Variants in MYO3B observed in about 807,000 individuals in gnomAD.
MYO3B encodes the protein myosin-IIIb.
Under a neutral mutation model 174.6 loss-of-function variants are expected in MYO3B, and 156 were observed. The ratio of observed to expected loss-of-function variants is 0.89; its 90% CI spans 0.78 to 1.02. The LOEUF is 1.02. Among genes scored for constraint, MYO3B ranks in the 50% least tolerant of loss-of-function variants. MYO3B has a pLI of 0.00. For missense variants in MYO3B, 1,632 were observed against 1,639.4 expected, an observed-to-expected ratio of 1.00 and a Z score of 0.08; for synonymous variants, 563 against 569.1, an observed-to-expected ratio of 0.99 and a Z score of 0.15.
chr2:170,652,214 T>C (rs966900640), intron 34 of MYO3B, 60 bp downstream of exon 34: 1 of 1,508,464 alleles, frequency 6.6e-7, no homozygotes, highest in South Asian at 1.2e-5. Flanking sequence ...TTTGTGATAT[T>C]ACAGAAAATG....
chr2:170,483,573 A>C (rs1306484224), intron 25 of MYO3B, among the ~76,000 whole-genome samples: 2 of 125,620 alleles, frequency 1.6e-5, no homozygotes, highest in Non-Finnish European at 3.0e-5. Context: ...TTTTTAGTAG[A>C]GACGGGGTTT....
chr2:170,238,494 T>C (rs969851923), intron 7 of MYO3B, among the ~76,000 whole-genome samples: 7 of 152,248 alleles, frequency 4.6e-5, no homozygotes, highest in Non-Finnish European at 1.0e-4. Flanking sequence ...TTCAGTGCTT[T>C]GGAATTCTTG....
At chr2:170,225,826 A>G (rs775979774) in intron 6 of MYO3B, among the ~76,000 whole-genome samples, 3 of 152,236 alleles carry the variant, frequency 2.0e-5, no homozygotes, top group Non-Finnish European at 2.9e-5. Flanking sequence ...CTGAAAAGAT[A>G]AAATGAAATA....
At chr2:170,615,651 G>A (rs886423467) in intron 32 of MYO3B, among the ~76,000 whole-genome samples, 3 of 152,226 alleles carry the variant, frequency 2.0e-5, no homozygotes, top group African/African-American at 7.2e-5. Flanking sequence ...GAATCTGGAC[G>A]CAGATTAGTA....
At chr2:170,305,232 C>T (rs534012538) in intron 7 of MYO3B, among the ~76,000 whole-genome samples, 24 of 152,164 alleles carry the variant, frequency 1.6e-4, no homozygotes, top group Middle Eastern at 3.4e-3. Flanking sequence ...TTCATCCTTT[C>T]CTAGTGATTT....
intron 24 of MYO3B, among the ~76,000 whole-genome samples, chr2:170,465,810 G>C (rs546225948): frequency 1.3e-5 from 2 of 152,094 alleles, no homozygotes; most frequent in African/African-American, 4.8e-5. Flanking sequence ...TGAAATAATG[G>C]AACTGAGTTC....
At chr2:170,623,401 C>T (rs1219111319) in intron 32 of MYO3B, among the ~76,000 whole-genome samples, 1 of 152,144 alleles carries the variant, frequency 6.6e-6, no homozygotes, top group Non-Finnish European at 1.5e-5. Flanking sequence ...ATATACTTTG[C>T]ACATTTTTTG....
At chr2:170,273,682 T>C (rs2093441482) in intron 7 of MYO3B, among the ~76,000 whole-genome samples, 1 of 152,172 alleles carries the variant, frequency 6.6e-6, no homozygotes, top group Admixed American at 6.5e-5. Flanking sequence ...GTGACCATCC[T>C]TCAAAACTCA....
At chr2:170,305,691 C>T (rs547496854) in intron 7 of MYO3B, among the ~76,000 whole-genome samples, 29 of 152,250 alleles carry the variant, frequency 1.9e-4, no homozygotes, top group Admixed American at 1.6e-3. Flanking sequence ...GCATGATAGA[C>T]TACCCCAAAC....
At chr2:170,406,725 CT>C (rs1349100276) in intron 21 of MYO3B, among the ~76,000 whole-genome samples, 1 of 152,026 alleles carries the variant, frequency 6.6e-6, no homozygotes, top group Admixed American at 6.6e-5. Context: ...AGGGGAAAAA[CT>C]TTTTTTATTT....
intron 7 of MYO3B, among the ~76,000 whole-genome samples, chr2:170,323,171 G>A (rs943680638): frequency 1.3e-5 from 2 of 152,142 alleles, no homozygotes; most frequent in Non-Finnish European, 1.5e-5. Context: ...GAACTGTGAC[G>A]TTGGTCTTAT....
intron 5 of MYO3B, 63 bp downstream of exon 5, chr2:170,214,891 T>C: frequency 7.9e-7 from 1 of 1,265,774 alleles, no homozygotes; most frequent in Non-Finnish European, 1.2e-6. Flanking sequence ...GACAATTTAT[T>C]GCAATCTCAG....
intron 25 of MYO3B, among the ~76,000 whole-genome samples, chr2:170,493,524 G>A (rs543670678): frequency 6.6e-6 from 1 of 152,136 alleles, no homozygotes; most frequent in East Asian, 1.9e-4. Context: ...CTAGATAGAA[G>A]ACTTGATGAG....
At chr2:170,497,495 A>G (rs968845027) in intron 25 of MYO3B, among the ~76,000 whole-genome samples, 12 of 152,150 alleles carry the variant, frequency 7.9e-5, no homozygotes, top group Non-Finnish European at 1.8e-4. Context: ...GGGCGCCTGT[A>G]GTCCCAGCTA....
intron 8 of MYO3B, among the ~76,000 whole-genome samples, chr2:170,357,868 A>G (rs575801042): frequency 7.9e-5 from 12 of 152,210 alleles, no homozygotes; most frequent in African/African-American, 2.6e-4. Flanking sequence ...AGTAGAAACA[A>G]CCAGCTGGGC....
chr2:170,542,662 G>A (rs1307780379), intron 30 of MYO3B, among the ~76,000 whole-genome samples: 3 of 152,160 alleles, frequency 2.0e-5, no homozygotes, highest in Non-Finnish European at 4.4e-5. Context: ...ACTTTAAAAG[G>A]AGCAGTTTCT....
At chr2:170,249,119 G>A (rs1398272964) in intron 7 of MYO3B, among the ~76,000 whole-genome samples, 1 of 152,102 alleles carries the variant, frequency 6.6e-6, no homozygotes, top group Non-Finnish European at 1.5e-5. Context: ...TCCAGTCCTG[G>A]GTGCCAAAGC....
chr2:170,516,437 A>C (rs1559075719), intron 29 of MYO3B, among the ~76,000 whole-genome samples: 1 of 152,014 alleles, frequency 6.6e-6, no homozygotes, highest in East Asian at 1.9e-4. Flanking sequence ...GTCAGGAGAT[A>C]CAGACCATCC....
intron 22 of MYO3B, among the ~76,000 whole-genome samples, chr2:170,416,992 A>AT (rs1241059006): frequency 3.3e-5 from 5 of 151,068 alleles, no homozygotes; most frequent in East Asian, 1.9e-4. Flanking sequence ...CACCCGACTA[A>AT]TTTTTTTTGT....
Sources: allele counts gnomAD v4.1 joint callset (sites outside exome capture counted in the v4.1 genomes callset), GRCh38; gene constraint gnomAD v4.1.1; transcripts MANE v1.5; gene names NCBI Gene and HGNC (gene_info 2026-07-23, HGNC 2026-07-21).